IL3RA: variants seen among roughly 807,000 people sequenced by gnomAD.
IL3RA encodes interleukin-3 receptor subunit alpha.
IL3RA carries 73 observed loss-of-function variants against 52.3 expected under a neutral mutation model. That is an observed-to-expected ratio of 1.40 (90% confidence interval 1.16 to 1.70). The LOEUF is 1.70. IL3RA is among the 40% of genes most tolerant of loss of function. IL3RA has a pLI of 0.00. For synonymous variants in IL3RA, 260 were observed against 194.0 expected, an observed-to-expected ratio of 1.34 and a Z score of -2.83; for missense variants, 664 against 504.4, an observed-to-expected ratio of 1.32 and a Z score of -3.03.
chrX:1,363,294 C>A, intron 8 of IL3RA, among the ~76,000 whole-genome samples: 1 of 145,676 alleles, frequency 6.9e-6, no homozygotes. Flanking sequence ...TATGAATGGT[C>A]TTTTCTTCTT....
chrX:1,351,828 C>T (rs1477825655), intron 4 of IL3RA, among the ~76,000 whole-genome samples: 1 of 151,560 alleles, frequency 6.6e-6, no homozygotes, highest in Non-Finnish European at 1.5e-5. Context: ...CTGGGTTTCA[C>T]CATGTTAGCC....
intron 4 of IL3RA, among the ~76,000 whole-genome samples, chrX:1,350,336 T>C (rs2086027205): frequency 6.6e-6 from 1 of 151,726 alleles, no homozygotes; most frequent in African/African-American, 2.4e-5. Flanking sequence ...ACGCCTGTAA[T>C]CCCAGCACTT....
intron 10 of IL3RA, among the ~76,000 whole-genome samples, chrX:1,380,404 G>T (rs1245923576): frequency 1.8e-5 from 1 of 55,648 alleles, no homozygotes; most frequent in South Asian, 7.4e-4. Context: ...TCTGTCTCCC[G>T]GGGGAAGGGG....
At chrX:1,381,905 G>A (rs781645299) in intron 11 of IL3RA, among the ~76,000 whole-genome samples, 127 of 151,826 alleles carry the variant, frequency 8.4e-4, no homozygotes, top group African/African-American at 3.0e-3. Flanking sequence ...AGAGGAAAAG[G>A]AGGCAGACAT....
intron 4 of IL3RA, among the ~76,000 whole-genome samples, chrX:1,350,096 T>C (rs1472289395): frequency 2.0e-5 from 3 of 152,042 alleles, no homozygotes; most frequent in Non-Finnish European, 4.4e-5. Context: ...TAGAAAACAG[T>C]CTCCTGGGTT....
intron 6 of IL3RA, among the ~76,000 whole-genome samples, chrX:1,353,943 A>ACC (rs762596930): frequency 0.073 from 3,060 of 41,740 alleles, 389 homozygotes; most frequent in Admixed American, 0.17. Flanking sequence ...GGGTCATGGG[A>ACC]CCCCCCCCCC....
chrX:1,352,140 G>T lies in IL3RA; in HGVS notation c.339G>T (p.Trp113Cys), dbSNP rs757315744. 3.1e-6 allele frequency: 5 copies of T among 1,613,836 alleles called. No individual in the cohort carries two copies. The South Asian group carries it at 5.5e-5, about 18-fold the overall frequency. The change falls in exon 5 of 12, where the codon TGG becomes TGT. Residue 113 changes from tryptophan (W) to cysteine (C), a missense_variant. By Grantham distance (215) the Trp-to-Cys change is radical. Coordinates refer to ENST00000331035, the MANE Select transcript of IL3RA (RefSeq NM_002183.4). ...CAGGTGCGGAGAATCTGACCTGCTG[G>T]ATTCATGACGTGGATTTCTTGAGCT... is the stretch of plus-strand genomic sequence containing the variant. Reference protein sequence around the residue: ...PWAGAENLTCWIHDVDFLSCS... With the variant: ...PWAGAENLTCCIHDVDFLSCS...
intron 9 of IL3RA, among the ~76,000 whole-genome samples, chrX:1,377,800 G>C (rs1459840178): frequency 2.7e-5 from 4 of 149,486 alleles, no homozygotes; most frequent in Non-Finnish European, 5.9e-5. Context: ...GAGGAGAATC[G>C]TTTGAATCCG....
rs2088497477 is a variant in IL3RA, at chrX:1,370,226, G to GT, written c.874+4977dup. ...AGGGCTGTGGGAGAATCAGTGTTTTGTTTCTAAGCCGCCCAGCCTCTGGTA... is the reference window on the plus strand; with the variant it reads ...AGGGCTGTGGGAGAATCAGTGTTTTGTTTTCTAAGCCGCCCAGCCTCTGGTA... On this transcript the variant is annotated intron_variant, in intron 9 of 11. Transcript: ENST00000331035. Among the ~76,000 whole-genome samples, 2 of 49,970 alleles carry GT rather than the reference G, an allele frequency of 4.0e-5. 1 individual carries two copies. Among genetic ancestry groups the GT allele is most frequent in the Non-Finnish European group, 6.3e-5 (2 of 31,762 alleles). The allele number at this position is 49,970 out of a possible 152,430, so 32.8% of individuals were successfully genotyped here. A position where few individuals can be genotyped will look rare whatever the true frequency, so the allele number is the denominator to read the frequency against.
intron 4 of IL3RA, among the ~76,000 whole-genome samples, chrX:1,351,530 T>C (rs2086083116): frequency 1.3e-5 from 2 of 149,568 alleles, no homozygotes; most frequent in Non-Finnish European, 3.0e-5. Context: ...GGTTTCACCA[T>C]GTTAGCCAGG....
rs1412453532 is a variant in IL3RA, at chrX:1,376,848, C to T, written c.875-1811C>T. Reference sequence around the variant, plus strand: ...AAGGAGATGAGGACACAGACACACACGGAGGGACGACCCTGTGGGACACAG... The same window carrying T: ...AAGGAGATGAGGACACAGACACACATGGAGGGACGACCCTGTGGGACACAG... On this transcript the variant is annotated intron_variant, in intron 9 of 11. Transcript: ENST00000331035. Among the ~76,000 whole-genome samples, 7 of 74,344 alleles carry T rather than the reference C, an allele frequency of 9.4e-5. No individual in the cohort carries two copies. The East Asian group carries it at 1.8e-3, about 19-fold the overall frequency. 48.8% of individuals were successfully genotyped at this position (74,344 alleles called of 152,430 possible).
chrX:1,343,530 G>A (rs372910697), intron 2 of IL3RA, among the ~76,000 whole-genome samples: 8 of 151,120 alleles, frequency 5.3e-5, no homozygotes, highest in East Asian at 4.0e-4. Context: ...AGCTGGGCGC[G>A]GTGCTGTGCA....
At chrX:1,344,672 C>T (rs1272850827) in intron 2 of IL3RA, among the ~76,000 whole-genome samples, 1 of 151,304 alleles carries the variant, frequency 6.6e-6, no homozygotes, top group East Asian at 1.9e-4. Context: ...ACTCGGGAGG[C>T]TGAGGCAGGA....
chrX:1,358,741 G>C, intron 7 of IL3RA, 120 bp from the exon 8 acceptor site: 1 of 972,656 alleles, frequency 1.0e-6, no homozygotes, highest in Non-Finnish European at 1.6e-6. Context: ...CTGCCCGAAG[G>C]CCTTCCCAGA....
intron 6 of IL3RA, among the ~76,000 whole-genome samples, chrX:1,353,124 C>T (rs1447249093): frequency 6.6e-6 from 1 of 150,900 alleles, no homozygotes; most frequent in East Asian, 2.0e-4. Flanking sequence ...ATGGGACACC[C>T]CCCATCATGG....
rs1263576335 is a variant in IL3RA at position 1,355,703 on chromosome X, T to C, written c.617-518T>C. On this transcript the variant is annotated intron_variant, in intron 6 of 11. Coordinates refer to ENST00000331035, the MANE Select transcript of IL3RA (RefSeq NM_002183.4). The stretch of plus-strand genomic sequence containing the variant: ...CAGGCAGGGGCCAGGAAGTGGAAGC[T>C]TCAGGAGGATGTGTGCAGGTCAAAG... Among the ~76,000 whole-genome samples, 12 of 151,912 alleles carry C rather than the reference T, an allele frequency of 7.9e-5. 1 individual carries two copies. The highest frequency in any genetic ancestry group is 1.3e-4 in the Admixed American group (2 of 15,238).
chrX:1,341,926 T>G, intron 2 of IL3RA, 97 bp downstream of exon 2: 1 of 1,321,636 alleles, frequency 7.6e-7, no homozygotes, highest in Non-Finnish European at 1.1e-6. Context: ...AAACTTTTCA[T>G]GCTGAGCTCA....
chrX:1,341,597 C>T (rs1317737292), intron 1 of IL3RA, 131 bp from the exon 2 acceptor site: 2 of 686,346 alleles, frequency 2.9e-6, no homozygotes, highest in East Asian at 5.3e-5. Context: ...TGCACACTCA[C>T]CACCGCTTTC....
intron 3 of IL3RA, among the ~76,000 whole-genome samples, chrX:1,346,111 G>A (rs754727398): frequency 2.0e-5 from 3 of 151,560 alleles, no homozygotes; most frequent in East Asian, 2.0e-4. Flanking sequence ...TCAGGAGTTC[G>A]AGACCAGTCT....
Sources: allele counts gnomAD v4.1 joint callset (sites outside exome capture counted in the v4.1 genomes callset), GRCh38; gene constraint gnomAD v4.1.1; transcripts MANE v1.5; gene names NCBI Gene and HGNC (gene_info 2026-07-23, HGNC 2026-07-21).